WDR81: variants seen among roughly 807,000 people sequenced by gnomAD.
WDR81 encodes the protein WD repeat-containing protein 81.
Under a neutral mutation model 140.8 loss-of-function variants are expected in WDR81, and 92 were observed. The ratio of observed to expected loss-of-function variants is 0.65; its 90% confidence interval spans 0.55 to 0.78. The LOEUF is 0.78. Among genes scored for constraint, WDR81 ranks in the 30% least tolerant of loss-of-function variants. The pLI, the probability that WDR81 is intolerant of heterozygous loss-of-function variation, is 0.00. For missense variants in WDR81, 2,502 were observed against 2,636.4 expected (o/e 0.95, Z 1.12); for synonymous variants, 1,183 against 1,156.4 (o/e 1.02, Z -0.47).
Position 1,726,520 on chromosome 17 carries a change from A to G in WDR81, c.1561A>G (p.Ser521Gly). Residue 521 changes from serine to glycine, a missense_variant, in exon 1 of 10, where the codon AGC (serine) becomes GGC (glycine). By Grantham distance (56) the Ser-to-Gly change is moderately conservative (BLOSUM62 0). Around this residue, in one of 3 missense-constraint regions of WDR81, gnomAD observed 218 missense variants for 279.6 expected, o/e 0.78. Coordinates refer to ENST00000409644, the MANE Select transcript of WDR81 (RefSeq NM_001163809.2). The stretch of plus-strand genomic sequence containing the variant: ...GGATGTGCCAGCCTGGTGCAGCTCC[A>G]GCCAGGAGTTCGTAGCTGCCCACCG... Reference protein sequence around the residue: ...DLDVPAWCSSSQEFVAAHRAL... With the variant: ...DLDVPAWCSSGQEFVAAHRAL... The G allele has an allele frequency of 6.4e-7, 1 of 1,550,404 alleles. No individual in the cohort carries two copies.
chr17:1,731,136 G>T lies in WDR81; in HGVS notation c.4035G>T (p.Ala1345=), dbSNP rs553951927. The T allele has an allele frequency of 3.1e-6, 5 of 1,613,288 alleles. No homozygotes were observed. The highest frequency in any genetic ancestry group is 4.2e-6 in the Non-Finnish European group (5 of 1,179,996). The change falls in exon 4 of 10, where the codon GCG becomes GCT. Residue 1345 remains alanine (A), a synonymous_variant. Transcript: ENST00000409644. ...NSRKEAGLLA[A]VTLTQKIIVY... ...GTAAGGAGGCGGGGCTGCTGGCCGC[G>T]GTGACGCTGACTCAGAAGATCATCG...
upstream of WDR81, among the ~76,000 whole-genome samples, chr17:1,720,519 G>A (rs539390670): frequency 3.0e-4 from 46 of 152,334 alleles, no homozygotes; most frequent in African/African-American, 1.1e-3. Context: ...GCTCACGCCT[G>A]TAATTCCAGC....
chr17:1,733,709 A>G lies in WDR81; in HGVS notation c.4672A>G (p.Thr1558Ala). The change falls in exon 7 of 10, where the codon ACC becomes GCC. Residue 1558 changes from threonine to alanine, a missense_variant. Around this residue, in one of 3 missense-constraint regions of WDR81, gnomAD observed 1,737 missense variants for 1,843.0 expected, o/e 0.94. Transcript: ENST00000409644. Reference protein sequence around the residue: ...GCPQDDGHSGTFGSVLVGNRI... With the variant: ...GCPQDDGHSGAFGSVLVGNRI... ...CCCTCAGGATGACGGCCACTCAGGG[A>G]CCTTTGGGAGCGTCCTGGTGGGGAA... 1 of 1,612,320 alleles carries G rather than the reference A, an allele frequency of 6.2e-7. No homozygotes were observed. Among genetic ancestry groups the G allele is most frequent in the African/African-American group, 1.3e-5 (1 of 74,916 alleles).
In WDR81 at chr17:1,725,159, G is replaced by C; in HGVS notation, c.200G>C (p.Arg67Pro). The change falls in exon 1 of 10, where the codon CGC becomes CCC. Residue 67 changes from arginine (R) to proline (P), a missense_variant. Arg to Pro is a moderately radical substitution (Grantham distance 103). Coordinates refer to ENST00000409644, the MANE Select transcript of WDR81 (RefSeq NM_001163809.2). Reference sequence around the variant, plus strand: ...CCTGCGCGCTGGCTGGCCAGCCTCCGCGATCGCCGGCTGCCCCTGGGACCC... The same window carrying C: ...CCTGCGCGCTGGCTGGCCAGCCTCCCCGATCGCCGGCTGCCCCTGGGACCC... ...LVPARWLASL[R>P]DRRLPLGPCP... The C allele has an allele frequency of 6.5e-7, 1 of 1,533,818 alleles. No homozygotes were observed. Among genetic ancestry groups the C allele is most frequent in the Non-Finnish European group, 8.7e-7 (1 of 1,144,600 alleles).
At position 1,727,206 on chromosome 17, in the gene WDR81, G is replaced by A. The variant is rs1352453647; in HGVS notation, c.2247G>A (p.Leu749=). 1.9e-6 allele frequency: 3 copies of A among 1,550,052 alleles called. No individual in the cohort carries two copies. The highest frequency in any genetic ancestry group is 2.6e-6 in the Non-Finnish European group (3 of 1,146,724). The change falls in exon 1 of 10, where the codon TTG becomes TTA. Residue 749 remains leucine (L), a synonymous_variant. Transcript: ENST00000409644. ...TGGCCAAAGGCCTAGGGGGCCTGTT[G>A]GAGGTGCCTGAGCAGCCCCGGGTCC... ...NFLAKGLGGL[L]EVPEQPRVQP...
Position 1,738,294 on chromosome 17 carries a change from T to C in WDR81, c.*609T>C, listed in dbSNP as rs1476375318. The C allele has an allele frequency of 1.3e-5, 2 of 157,592 alleles. No individual in the cohort carries two copies. The highest frequency in any genetic ancestry group is 6.0e-5 in the Admixed American group (1 of 16,556). The allele number at this position is 157,592 out of a possible 1,614,324, so 9.8% of individuals were successfully genotyped here. On this transcript the variant is annotated 3_prime_UTR_variant, in exon 10 of 10. Coordinates refer to ENST00000409644, the MANE Select transcript of WDR81 (RefSeq NM_001163809.2). ...AGGGGGAAAAGGTGCACTTGGCCAG[T>C]GGCGCCTGCCAGGAGTGAGTCCATG...
chr17:1,732,743 C>G lies in WDR81; in HGVS notation c.4401C>G (p.Pro1467=). 6.2e-7 allele frequency: 1 copy of G among 1,613,038 alleles called. No individual in the cohort carries two copies. The highest frequency in any genetic ancestry group is 1.1e-5 in the South Asian group (1 of 91,066). Residue 1467 remains proline, a synonymous_variant, in exon 6 of 10, where the codon CCC becomes CCG. Transcript: ENST00000409644. ...TCTTCTCTGATGGGCAGCAGCGGCC[C>G]GTGGACCCCGCCCTGCTGGACGAGC... ...QVVFSDGQQR[P]VDPALLDELQ... is the part of the protein sequence containing the mutation.
chr17:1,735,834 C>G lies in WDR81; in HGVS notation c.5325+117C>G. The G allele has an allele frequency of 4.2e-6, 6 of 1,436,466 alleles. No individual in the cohort carries two copies. In the South Asian group the frequency reaches 8.4e-5, roughly 20 times the overall value. The allele number at this position is 1,436,466 out of a possible 1,614,324, so 89.0% of individuals were successfully genotyped here. A position where few individuals can be genotyped will look rare whatever the true frequency, so the allele number is the denominator to read the frequency against. ...TGTTCTGGGGCCCTAGTTAGTTTCT[C>G]TTTGGTGCTAGATCACCCACAGCCA... On this transcript the variant is annotated intron_variant, in intron 8 of 9. Transcript: ENST00000409644. The surrounding 1 kb of genome is among the most constrained non-coding windows in gnomAD (Gnocchi z 4.2).
chr17:1,733,354 G>A (rs764534518), intron 6 of WDR81, among the ~76,000 whole-genome samples, 173 bp from the exon 7 acceptor site: 4 of 152,228 alleles, frequency 2.6e-5, no homozygotes, highest in Non-Finnish European at 4.4e-5. Flanking sequence ...ACATCACAAC[G>A]GAATGAATCC....
intron 4 of WDR81, among the ~76,000 whole-genome samples, 154 bp downstream of exon 4, chr17:1,731,412 C>T (rs1223698144): frequency 6.6e-6 from 1 of 152,200 alleles, no homozygotes; most frequent in Non-Finnish European, 1.5e-5. Flanking sequence ...CAAACCACAC[C>T]CTTTTCCTGT....
Position 1,737,687 on chromosome 17 carries a change from C to G in WDR81, c.*2C>G, listed in dbSNP as rs758278135. On this transcript the variant is annotated 3_prime_UTR_variant, in exon 10 of 10. Coordinates refer to ENST00000409644, the MANE Select transcript of WDR81 (RefSeq NM_001163809.2). ...GGGGTTATCCGCCTCCTGGCATAGA[C>G]TGAGGCAGGAGCTGGCCGGGCAAGG... 9 of 1,603,776 alleles carry G rather than the reference C, an allele frequency of 5.6e-6. No homozygotes were observed. The African/African-American group carries it at 1.2e-4, about 21-fold the overall frequency.
At chr17:1,730,707 C>A in intron 2 of WDR81, 48 bp from the exon 3 acceptor site, 2 of 1,557,764 alleles carry the variant, frequency 1.3e-6, no homozygotes, top group Non-Finnish European at 1.7e-6. Flanking sequence ...GCCAGGCTAC[C>A]CCCGGCCCTC....
upstream of WDR81, among the ~76,000 whole-genome samples, chr17:1,720,899 C>T (rs996055489): frequency 2.6e-5 from 4 of 152,062 alleles, no homozygotes; most frequent in African/African-American, 9.7e-5. Flanking sequence ...TCTCTATTCT[C>T]GGGAGGAAAG....
In WDR81 at chr17:1,733,799, G is replaced by GTGGGTGGCGGGGGCC. The variant is rs1904591564; in HGVS notation, c.4767_4781dup (p.Gly1590_Gly1594dup). 1 of 1,612,304 alleles carries GTGGGTGGCGGGGGCC rather than the reference G, an allele frequency of 6.2e-7. No individual in the cohort carries two copies. Among genetic ancestry groups the GTGGGTGGCGGGGGCC allele is most frequent in the South Asian group, 1.1e-5 (1 of 91,052 alleles). ...CGGACCACTGGGCCCCATCTCGGGGGTGGGTGGCGGGGGCCTGGGCAGCGG... is the reference window on the plus strand; with the variant it reads ...CGGACCACTGGGCCCCATCTCGGGGGTGGGTGGCGGGGGCCTGGGTGGCGGGGGCCTGGGCAGCGG... On this transcript the variant is annotated inframe_insertion, in exon 7 of 10. Coordinates refer to ENST00000409644, the MANE Select transcript of WDR81 (RefSeq NM_001163809.2).
At chr17:1,721,535 A>G (rs1004343321), upstream of WDR81, among the ~76,000 whole-genome samples, 1 of 151,610 alleles carries the variant, frequency 6.6e-6, no homozygotes, top group Admixed American at 6.6e-5. Context: ...AATAAATAAA[A>G]AATCACTCGG....
At chr17:1,716,659 T>C in intron 1 of WDR81, 1 of 1,551,504 alleles carries the variant, frequency 6.4e-7, no homozygotes, top group Non-Finnish European at 8.7e-7. Context: ...TAAACTGAGC[T>C]CGGAATCCAG....
chr17:1,733,956 G>T lies in WDR81; in HGVS notation c.4919G>T (p.Arg1640Leu), dbSNP rs199654669. The change falls in exon 7 of 10, where the codon CGC becomes CTC. Residue 1640 changes from arginine to leucine, a missense_variant. Arg to Leu is a moderately radical substitution (Grantham distance 102). Transcript: ENST00000409644. ...QDAHFHFHQI[R>L]LQSFPGHSGA... is the part of the protein sequence containing the mutation. ...GCCCACTTTCACTTCCACCAGATCCGCCTGCAGAGCTTCCCGGGCCACTCG... is the reference window on the plus strand; with the variant it reads ...GCCCACTTTCACTTCCACCAGATCCTCCTGCAGAGCTTCCCGGGCCACTCG... 1.2e-5 allele frequency: 19 copies of T among 1,612,710 alleles called. No homozygotes were observed. Among genetic ancestry groups the T allele is most frequent in the South Asian group, 2.2e-5 (2 of 91,084 alleles).
At position 1,725,647 on chromosome 17, in the gene WDR81, A is replaced by T; in HGVS notation, c.688A>T (p.Met230Leu). 2 of 1,546,014 alleles carry T rather than the reference A, an allele frequency of 1.3e-6. No individual in the cohort carries two copies. Among genetic ancestry groups the T allele is most frequent in the Middle Eastern group, 3.3e-4 (2 of 5,992 alleles). ...RAEALLESPE[M>L]LYVVHPYVQF... ...TGAGGCCTTGCTGGAGTCGCCGGAG[A>T]TGCTGTATGTGGTACACCCTTACGT... The change falls in exon 1 of 10, where the codon ATG becomes TTG. Residue 230 changes from methionine to leucine, a missense_variant. Met to Leu is a conservative substitution (Grantham distance 15, BLOSUM62 2). Coordinates refer to ENST00000409644, the MANE Select transcript of WDR81 (RefSeq NM_001163809.2).
chr17:1,723,797 T>A (rs1466216865), upstream of WDR81, among the ~76,000 whole-genome samples: 2 of 151,930 alleles, frequency 1.3e-5, no homozygotes, highest in Non-Finnish European at 1.5e-5. Context: ...TTTTGTTTTT[T>A]AAAAAGCCGT....
Sources: gnomAD v4.1 joint callset for allele counts (sites outside exome capture counted in the v4.1 genomes callset) on GRCh38, gnomAD v4.1.1 for gene constraint, gnomAD v4.1.1 regional missense constraint, Gnocchi (gnomAD v3.1) non-coding constraint, MANE v1.5 for transcripts, NCBI Gene and HGNC (gene_info 2026-07-23, HGNC 2026-07-21) for gene names.